Variants in SLCO6A1 observed in about 807,000 individuals in gnomAD.
SLCO6A1 encodes cancer/testis antigen 48.
SLCO6A1 carries 65 observed loss-of-function variants against 72.7 expected under a neutral mutation model. The observed-to-expected ratio is 0.89, with a 90% CI of 0.73 to 1.10. The LOEUF (loss-of-function observed/expected upper bound fraction) is 1.10, where lower values mean the gene tolerates loss of function less well. SLCO6A1 is among the 50% of genes least tolerant of loss of function. The pLI, the probability that SLCO6A1 is intolerant of heterozygous loss-of-function variation, is 0.00. For synonymous variants in SLCO6A1, 314 were observed against 298.2 expected (o/e 1.05, Z -0.55); for missense variants, 874 against 872.6 (o/e 1.00, Z -0.02).
Position 102,458,373 on chromosome 5 carries a change from T to C in SLCO6A1, c.1131+9A>G. The C allele has an allele frequency of 6.3e-7, 1 of 1,580,344 alleles. No individual in the cohort carries two copies. The highest frequency in any genetic ancestry group is 8.6e-7 in the Non-Finnish European group (1 of 1,156,202). On this transcript the variant is annotated intron_variant, in intron 6 of 13. Transcript: ENST00000506729. ...AGTTGGATTGTTCAAGTAAAATATT[T>C]TACTTTACCCAAAGAGCAGCACATA... is the stretch of plus-strand genomic sequence containing the variant.
At chr5:102,390,761 A>G (rs1275321590) in intron 11 of SLCO6A1, among the ~76,000 whole-genome samples, 1 of 152,150 alleles carries the variant, frequency 6.6e-6, no homozygotes, top group Non-Finnish European at 1.5e-5. Context: ...TTCTGATCAA[A>G]TATAATATGC....
chr5:102,443,390 A>G (rs1749947345), intron 6 of SLCO6A1, among the ~76,000 whole-genome samples: 1 of 152,102 alleles, frequency 6.6e-6, no homozygotes, highest in South Asian at 2.1e-4. Context: ...CTATGTCAGT[A>G]TATCAAAGTT....
chr5:102,493,233 A>T (rs1489779196), intron 1 of SLCO6A1, among the ~76,000 whole-genome samples: 1 of 152,214 alleles, frequency 6.6e-6, no homozygotes, highest in African/African-American at 2.4e-5. Context: ...CAATACTCGC[A>T]CAGAAACAAA....
intron 6 of SLCO6A1, among the ~76,000 whole-genome samples, chr5:102,447,557 T>C (rs1038781271): frequency 3.3e-5 from 5 of 151,820 alleles, no homozygotes; most frequent in African/African-American, 1.2e-4. Flanking sequence ...TGGAACTCAA[T>C]ACTTGTCTGT....
intron 12 of SLCO6A1, among the ~76,000 whole-genome samples, 170 bp downstream of exon 12, chr5:102,388,517 TA>T (rs879500562): frequency 1.1e-4 from 16 of 152,088 alleles, no homozygotes; most frequent in Admixed American, 2.0e-4. Context: ...TTTTATTTTT[TA>T]AAATTTTACT....
At chr5:102,431,586 G>A (rs986062594) in intron 7 of SLCO6A1, among the ~76,000 whole-genome samples, 12 of 152,112 alleles carry the variant, frequency 7.9e-5, no homozygotes, top group South Asian at 4.2e-4. Flanking sequence ...TTGTGCTGGG[G>A]TCCAAGAGAG....
intron 6 of SLCO6A1, among the ~76,000 whole-genome samples, chr5:102,451,839 C>G (rs1750435074): frequency 6.6e-6 from 1 of 152,228 alleles, no homozygotes; most frequent in Non-Finnish European, 1.5e-5. Flanking sequence ...CTCTCCATGA[C>G]AGCAGCACAC....
intron 12 of SLCO6A1, among the ~76,000 whole-genome samples, chr5:102,379,966 C>T (rs1010872027): frequency 2.0e-4 from 30 of 151,468 alleles, no homozygotes; most frequent in African/African-American, 7.0e-4. Flanking sequence ...TTTTTTATTG[C>T]TATTTGATTT....
At chr5:102,438,066 C>G (rs1463960460) in intron 7 of SLCO6A1, among the ~76,000 whole-genome samples, 4 of 151,944 alleles carry the variant, frequency 2.6e-5, no homozygotes, top group Non-Finnish European at 5.9e-5. Flanking sequence ...ATCAACAAAC[C>G]TTTTCATTAC....
chr5:102,418,010 T>A (rs1426674801), intron 8 of SLCO6A1, among the ~76,000 whole-genome samples: 1 of 151,774 alleles, frequency 6.6e-6, no homozygotes, highest in Admixed American at 6.6e-5. Flanking sequence ...AAAAAATTAC[T>A]TACTTTTTTC....
chr5:102,461,690 A>C (rs1392485106), intron 4 of SLCO6A1, among the ~76,000 whole-genome samples: 1 of 152,158 alleles, frequency 6.6e-6, no homozygotes, highest in Non-Finnish European at 1.5e-5. Flanking sequence ...CATAAATGTC[A>C]TCAGTGCAAT....
rs150146277 is a variant in SLCO6A1 at position 102,402,850 on chromosome 5, T to C, written c.1627-3108A>G. Among the ~76,000 whole-genome samples, 776 of 152,302 alleles carry C rather than the reference T, an allele frequency of 5.1e-3. 8 individuals are homozygous for C. The highest frequency in any genetic ancestry group is 0.018 in the African/African-American group (748 of 41,568). On this transcript the variant is annotated intron_variant, in intron 9 of 13. Coordinates refer to ENST00000506729, the MANE Select transcript of SLCO6A1 (RefSeq NM_173488.5). Reference sequence around the variant, plus strand: ...AATTGGAACACCATGATAAAATTTATAAAATATCAACTTTTGCAAATGGCT... The same window carrying C: ...AATTGGAACACCATGATAAAATTTACAAAATATCAACTTTTGCAAATGGCT...
chr5:102,429,136 C>T (rs565894028), intron 7 of SLCO6A1, among the ~76,000 whole-genome samples: 1 of 151,140 alleles, frequency 6.6e-6, no homozygotes, highest in African/African-American at 2.4e-5. Context: ...TATTATGGGG[C>T]TTTCTTTTTC....
intron 6 of SLCO6A1, among the ~76,000 whole-genome samples, chr5:102,455,649 C>A (rs1007012789): frequency 9.2e-5 from 14 of 152,124 alleles, no homozygotes; most frequent in African/African-American, 2.7e-4. Context: ...TTGATACATG[C>A]ATGTCATCCC....
Position 102,379,773 on chromosome 5 carries a change from CAAA to C in SLCO6A1, c.2018-6282_2018-6280del, listed in dbSNP as rs10672287. On this transcript the variant is annotated intron_variant, in intron 12 of 13. Transcript: ENST00000506729. ...TGAATTTTAGTTATTTTGTCAATTT[CAAA>C]AAAAAAAAAAAAAATTTCTCTTGGG... is the stretch of plus-strand genomic sequence containing the variant. Among the ~76,000 whole-genome samples, 901 of 141,020 alleles carry C rather than the reference CAAA, an allele frequency of 6.4e-3. 7 individuals are homozygous for C. Among genetic ancestry groups the C allele is most frequent in the African/African-American group, 0.018 (700 of 38,856 alleles). 92.5% of individuals were successfully genotyped at this position (141,020 alleles called of 152,430 possible).
rs537261529 is a variant in SLCO6A1, at chr5:102,493,761, A to T, written c.358+4726T>A. ...AAAAATCCTAAGGAGTCTGCAAAAA[A>T]ATGACTTCTGTAACTTAATAGGTTA... On this transcript the variant is annotated intron_variant, in intron 1 of 13. Coordinates refer to ENST00000506729, the MANE Select transcript of SLCO6A1 (RefSeq NM_173488.5). Among the ~76,000 whole-genome samples, 3 of 152,286 alleles carry T rather than the reference A, an allele frequency of 2.0e-5. No individual in the cohort carries two copies. In the South Asian group the frequency reaches 6.2e-4, roughly 32 times the overall value.
chr5:102,405,089 G>A (rs528465084), intron 9 of SLCO6A1, among the ~76,000 whole-genome samples: 1 of 152,144 alleles, frequency 6.6e-6, no homozygotes, highest in East Asian at 1.9e-4. Context: ...AAAATAATTA[G>A]TGAGAGTCCC....
chr5:102,414,819 A>G (rs1580382269), intron 8 of SLCO6A1, among the ~76,000 whole-genome samples: 1 of 152,042 alleles, frequency 6.6e-6, no homozygotes, highest in Admixed American at 6.6e-5. Context: ...TGCTTGAACC[A>G]GGGAAGTGGA....
At chr5:102,381,844 T>C (rs1243073149) in intron 12 of SLCO6A1, among the ~76,000 whole-genome samples, 2 of 151,428 alleles carry the variant, frequency 1.3e-5, no homozygotes, top group Non-Finnish European at 3.0e-5. Flanking sequence ...AGAAATATAA[T>C]TGTTGGCCAT....
Sources: allele counts gnomAD v4.1 joint callset (sites outside exome capture counted in the v4.1 genomes callset), GRCh38; gene constraint gnomAD v4.1.1; transcripts MANE v1.5; gene names NCBI Gene and HGNC (gene_info 2026-07-23, HGNC 2026-07-21).